OPCML: variants seen among roughly 807,000 people sequenced by gnomAD.
OPCML encodes opioid-binding protein/cell adhesion molecule.
In OPCML, 13 loss-of-function variants were observed where a neutral mutation model predicts 37.8. That is an observed-to-expected ratio of 0.34 (90% CI 0.22 to 0.55). The LOEUF (loss-of-function observed/expected upper bound fraction) is 0.55, where lower values mean the gene tolerates loss of function less well. OPCML is among the 20% of genes least tolerant of loss of function. The pLI is 0.91. For missense variants in OPCML, 341 were observed against 435.6 expected (o/e 0.78, Z 1.93); for synonymous variants, 176 against 168.8 (o/e 1.04, Z -0.33).
intron 1 of OPCML, among the ~76,000 whole-genome samples, chr11:133,087,113 G>C (rs1212597383): frequency 1.3e-5 from 2 of 152,204 alleles, no homozygotes; most frequent in Non-Finnish European, 2.9e-5. Flanking sequence ...AAGACCCAAA[G>C]AGGTTAAGTG....
intron 1 of OPCML, among the ~76,000 whole-genome samples, chr11:132,974,008 C>G (rs778516849): frequency 1.4e-4 from 22 of 152,126 alleles, no homozygotes; most frequent in Non-Finnish European, 2.5e-4. Context: ...CCTATCTACA[C>G]GTGGGTCTTC....
At position 133,515,639 on chromosome 11, in the gene OPCML, C is replaced by G. The variant is rs188357974; in HGVS notation, c.61+16625G>C. Among the ~76,000 whole-genome samples the G allele has an allele frequency of 1.1e-4, 17 of 152,080 alleles. No homozygotes were observed. The East Asian group carries it at 3.3e-3, about 30-fold the overall frequency. On this transcript the variant is annotated intron_variant, in intron 1 of 7. Coordinates refer to ENST00000524381, the MANE Select transcript of OPCML (RefSeq NM_001012393.5). ...AGTGACTACGCCCCAGATAACCAAC[C>G]AGGAATATGAGAAATACACAGAAGA...
At chr11:133,341,922 A>G (rs115474637) in intron 1 of OPCML, among the ~76,000 whole-genome samples, 1,330 of 128,362 alleles carry the variant, frequency 0.01, 17 homozygotes, top group African/African-American at 0.034. Flanking sequence ...CATTTTGGGG[A>G]AAAAAAAAAG....
chr11:133,423,914 T>C (rs1346740033), intron 1 of OPCML, among the ~76,000 whole-genome samples: 4 of 152,214 alleles, frequency 2.6e-5, no homozygotes, highest in African/African-American at 9.7e-5. Flanking sequence ...GGCTCTCCTT[T>C]GCCTTCTGCC....
intron 2 of OPCML, among the ~76,000 whole-genome samples, chr11:132,781,512 T>C (rs1947012379): frequency 6.6e-6 from 1 of 152,008 alleles, no homozygotes; most frequent in African/African-American, 2.4e-5. Flanking sequence ...ACTGTGGGAC[T>C]TCTCAGCCTC....
chr11:132,701,532 G>A (rs1943816719), intron 2 of OPCML, among the ~76,000 whole-genome samples: 1 of 152,078 alleles, frequency 6.6e-6, no homozygotes, highest in Non-Finnish European at 1.5e-5. Context: ...GCCTATGTTT[G>A]TCTTTAATCT....
At chr11:132,914,304 T>C (rs1216461190) in intron 2 of OPCML, among the ~76,000 whole-genome samples, 1 of 152,250 alleles carries the variant, frequency 6.6e-6, no homozygotes, top group Non-Finnish European at 1.5e-5. Flanking sequence ...TCAATATCGC[T>C]TGATCCATTC....
chr11:133,524,338 A>T (rs1012043859), intron 1 of OPCML, among the ~76,000 whole-genome samples: 2 of 152,178 alleles, frequency 1.3e-5, no homozygotes, highest in African/African-American at 4.8e-5. Flanking sequence ...TACCTTTTCC[A>T]TATGAACATC....
At chr11:132,432,972 C>T (rs565517560) in intron 7 of OPCML, among the ~76,000 whole-genome samples, 44 of 152,174 alleles carry the variant, frequency 2.9e-4, no homozygotes, top group South Asian at 2.3e-3. Flanking sequence ...CAGTCAAAGG[C>T]GCGGAATGAG....
At chr11:132,628,519 T>A (rs1939883310) in intron 3 of OPCML, among the ~76,000 whole-genome samples, 1 of 152,180 alleles carries the variant, frequency 6.6e-6, no homozygotes, top group Non-Finnish European at 1.5e-5. Flanking sequence ...AGGACTCACC[T>A]GTAAGTGAAT....
chr11:133,003,907 C>A, intron 1 of OPCML: 1 of 985,436 alleles, frequency 1.0e-6, no homozygotes, highest in Non-Finnish European at 1.2e-6. Context: ...CCCCGCCAAT[C>A]CCGGTGGGGC....
chr11:133,191,678 G>A (rs1364007583), intron 1 of OPCML, among the ~76,000 whole-genome samples: 1 of 152,092 alleles, frequency 6.6e-6, no homozygotes, highest in Non-Finnish European at 1.5e-5. Context: ...ATTTTTAGTA[G>A]AGAAGGGGTT....
At chr11:133,204,860 A>G (rs7396306) in intron 1 of OPCML, among the ~76,000 whole-genome samples, 1 of 36,650 alleles carries the variant, frequency 2.7e-5, no homozygotes, top group South Asian at 8.7e-4. Flanking sequence ...TTATATATAT[A>G]TATATGTGTA....
At chr11:132,950,078 C>G (rs532008048) in intron 1 of OPCML, among the ~76,000 whole-genome samples, 4 of 152,326 alleles carry the variant, frequency 2.6e-5, no homozygotes, top group Admixed American at 2.6e-4. Context: ...GATGAAGGTG[C>G]AGCCGCGCTG....
At position 133,249,564 on chromosome 11, in the gene OPCML, G is replaced by A. The variant is rs936807552; in HGVS notation, c.61+282700C>T. ...TGGACCCTTGAATCCTCTCTGCTCCGGAGTGGGCATTTTACGACAGGGTTG... is the reference window on the plus strand; with the variant it reads ...TGGACCCTTGAATCCTCTCTGCTCCAGAGTGGGCATTTTACGACAGGGTTG... On this transcript the variant is annotated intron_variant, in intron 1 of 7. Transcript: ENST00000524381. Among the ~76,000 whole-genome samples the A allele has an allele frequency of 6.6e-5, 10 of 152,088 alleles. No homozygotes were observed. In the East Asian group the frequency reaches 1.2e-3, roughly 18 times the overall value.
In OPCML at chr11:133,140,531, T is replaced by TAATAATAATAAGAAGAAGAAGAAG. The variant is rs1272061685; in HGVS notation, c.62-197522_62-197521insCTTCTTCTTCTTCTTATTATTATT. Among the ~76,000 whole-genome samples the TAATAATAATAAGAAGAAGAAGAAG allele has an allele frequency of 4.9e-3, 428 of 88,050 alleles. 2 individuals carry two copies. Among genetic ancestry groups the TAATAATAATAAGAAGAAGAAGAAG allele is most frequent in the Non-Finnish European group, 6.5e-3 (294 of 45,194 alleles). The allele number at this position is 88,050 out of a possible 152,430, so 57.8% of individuals were successfully genotyped here. ...TGTCTCAAAATAATAATAATAATAA[T>TAATAATAATAAGAAGAAGAAGAAG]AAGAAGAAGAAGAAGAAGAAGAAGA... On this transcript the variant is annotated intron_variant, in intron 1 of 7. Transcript: ENST00000524381.
At chr11:132,832,614 A>G (rs1305268966) in intron 2 of OPCML, among the ~76,000 whole-genome samples, 1 of 152,268 alleles carries the variant, frequency 6.6e-6, no homozygotes, top group Non-Finnish European at 1.5e-5. Context: ...TGATTCATAC[A>G]TATGCCTAAT....
At chr11:133,209,030 A>G (rs966865676) in intron 1 of OPCML, among the ~76,000 whole-genome samples, 1 of 152,154 alleles carries the variant, frequency 6.6e-6, no homozygotes, top group Non-Finnish European at 1.5e-5. Flanking sequence ...AATTTCACTC[A>G]TCATGAATGC....
intron 2 of OPCML, among the ~76,000 whole-genome samples, chr11:132,788,461 T>A (rs1476667279): frequency 6.6e-6 from 1 of 152,170 alleles, no homozygotes; most frequent in East Asian, 1.9e-4. Context: ...ACAATCTCTC[T>A]CCTGGGCTAG....
Sources: allele counts gnomAD v4.1 joint callset (sites outside exome capture counted in the v4.1 genomes callset), GRCh38; gene constraint gnomAD v4.1.1; transcripts MANE v1.5; gene names NCBI Gene and HGNC (gene_info 2026-07-23, HGNC 2026-07-21).